The following GPC5 variants were observed in gnomAD, a reference collection of about 807,000 sequenced individuals.
GPC5 encodes glypican-5.
Under a neutral mutation model 53.9 loss-of-function variants are expected in GPC5, and 47 were observed. The observed-to-expected ratio is 0.87, with a 90% CI of 0.69 to 1.11. GPC5 has a LOEUF of 1.11. Ranked by LOEUF, GPC5 falls within the 50% of genes most tolerant of loss-of-function variation. The pLI is 0.00. For synonymous variants in GPC5, 286 were observed against 263.3 expected (o/e 1.09, Z -0.84); for missense variants, 748 against 713.1 (o/e 1.05, Z -0.56).
intron 7 of GPC5, among the ~76,000 whole-genome samples, chr13:92,798,134 A>G (rs1023211737): frequency 2.0e-5 from 3 of 151,890 alleles, no homozygotes; most frequent in African/African-American, 7.2e-5. Context: ...AGACACAGCA[A>G]TGCTAAGGAG....
At chr13:91,808,100 C>T (rs997227854) in intron 5 of GPC5, among the ~76,000 whole-genome samples, 1 of 151,888 alleles carries the variant, frequency 6.6e-6, no homozygotes, top group Non-Finnish European at 1.5e-5. Context: ...ATCTATCTTT[C>T]TAGGAAAAAA....
rs533590327 is a variant in GPC5, at chr13:91,635,248, A to T, written c.326-57939A>T. On this transcript the variant is annotated intron_variant, in intron 2 of 7. Coordinates refer to ENST00000377067, the MANE Select transcript of GPC5 (RefSeq NM_004466.6). ...TTGTATAGAAGCCTAATATAAACTC[A>T]TGTAAAAGTTTCCAGTAACAGAAAA... Among the ~76,000 whole-genome samples, 255 of 152,256 alleles carry T rather than the reference A, an allele frequency of 1.7e-3. 1 individual carries two copies. Among genetic ancestry groups the T allele is most frequent in the African/African-American group, 5.9e-3 (244 of 41,572 alleles).
chr13:92,577,420 G>A (rs1247024387), intron 7 of GPC5, among the ~76,000 whole-genome samples: 1 of 130,648 alleles, frequency 7.7e-6, no homozygotes, highest in African/African-American at 2.9e-5. Context: ...GTATGTATAT[G>A]TGTGTGTGTG....
At chr13:91,856,691 C>T (rs2038970539) in intron 5 of GPC5, among the ~76,000 whole-genome samples, 1 of 151,068 alleles carries the variant, frequency 6.6e-6, no homozygotes, top group South Asian at 2.1e-4. Context: ...AGCTCTTTTT[C>T]AGGTATATGT....
At chr13:91,638,636 G>T (rs1311555962) in intron 2 of GPC5, among the ~76,000 whole-genome samples, 1 of 152,130 alleles carries the variant, frequency 6.6e-6, no homozygotes, top group East Asian at 1.9e-4. Flanking sequence ...AAAGTGCTGG[G>T]ATTACAGGTG....
chr13:91,876,404 G>A (rs1449629873), intron 5 of GPC5, among the ~76,000 whole-genome samples: 1 of 152,156 alleles, frequency 6.6e-6, no homozygotes, highest in Non-Finnish European at 1.5e-5. Flanking sequence ...AATGCTGGTA[G>A]CAATACAGAC....
intron 7 of GPC5, among the ~76,000 whole-genome samples, chr13:92,329,387 C>A (rs568923231): frequency 6.6e-6 from 1 of 152,194 alleles, no homozygotes; most frequent in East Asian, 1.9e-4. Flanking sequence ...ACAACCAGAT[C>A]TCACATGATC....
At chr13:91,598,374 GT>G (rs2033067902) in intron 2 of GPC5, among the ~76,000 whole-genome samples, 1 of 151,770 alleles carries the variant, frequency 6.6e-6, no homozygotes, top group African/African-American at 2.4e-5. Context: ...AATATAACAT[GT>G]TTACAGATAT....
chr13:92,651,871 G>T (rs1840098285), intron 7 of GPC5, among the ~76,000 whole-genome samples: 1 of 151,998 alleles, frequency 6.6e-6, no homozygotes, highest in Non-Finnish European at 1.5e-5. Flanking sequence ...TTATGCAGCT[G>T]ATGCTATAAT....
intron 2 of GPC5, among the ~76,000 whole-genome samples, chr13:91,611,761 C>T (rs578228335): frequency 6.6e-6 from 1 of 152,164 alleles, no homozygotes; most frequent in Admixed American, 6.6e-5. Flanking sequence ...AGTCTTGATG[C>T]ATATTCCTTG....
chr13:92,057,485 G>A (rs1453707234), intron 6 of GPC5, among the ~76,000 whole-genome samples: 1 of 152,196 alleles, frequency 6.6e-6, no homozygotes, highest in East Asian at 1.9e-4. Context: ...CTCAGCAGTA[G>A]ATAAGCAAAT....
chr13:91,714,487 G>A (rs1214836526), intron 3 of GPC5, among the ~76,000 whole-genome samples: 2 of 152,108 alleles, frequency 1.3e-5, no homozygotes, highest in Non-Finnish European at 1.5e-5. Flanking sequence ...GAAACAAATC[G>A]AAGCACATAT....
intron 7 of GPC5, among the ~76,000 whole-genome samples, chr13:92,578,108 C>T (rs141606786): frequency 1.7e-4 from 26 of 152,218 alleles, no homozygotes; most frequent in Non-Finnish European, 3.1e-4. Context: ...CCAATTTCAC[C>T]CTAGCTCCTT....
rs985780900 is a variant in GPC5 at position 91,512,294 on chromosome 13, C to A, written c.325+63372C>A. On this transcript the variant is annotated intron_variant, in intron 2 of 7. Coordinates refer to ENST00000377067, the MANE Select transcript of GPC5 (RefSeq NM_004466.6). Reference sequence around the variant, plus strand: ...TTGGAAGTTCTTTTACTTCCTCTGTCCTTCCCGTAGCTTTCTGCACCTTTG... The same window carrying A: ...TTGGAAGTTCTTTTACTTCCTCTGTACTTCCCGTAGCTTTCTGCACCTTTG... Among the ~76,000 whole-genome samples the A allele has an allele frequency of 3.3e-5, 5 of 152,204 alleles. No individual in the cohort carries two copies. In the East Asian group the frequency reaches 5.8e-4, roughly 18 times the overall value.
Position 91,586,531 on chromosome 13 carries a change from TATATATATATATATATATATATA to T in GPC5, c.326-106655_326-106633del, listed in dbSNP as rs1241278147. Among the ~76,000 whole-genome samples, 14 of 41,384 alleles carry T rather than the reference TATATATATATATATATATATATA, an allele frequency of 3.4e-4. No individual in the cohort carries two copies. The African/African-American group carries it at 3.7e-3, about 11-fold the overall frequency. The allele number at this position is 41,384 out of a possible 152,430, so 27.1% of individuals were successfully genotyped here. ...ATATATATATATATATATATATATA[TATATATATATATATATATATATA>T]TATATATGTAGAGAGAGAGAGAGAG... On this transcript the variant is annotated intron_variant, in intron 2 of 7. Coordinates refer to ENST00000377067, the MANE Select transcript of GPC5 (RefSeq NM_004466.6).
chr13:92,164,937 A>G (rs2042016531), intron 7 of GPC5, among the ~76,000 whole-genome samples: 1 of 152,244 alleles, frequency 6.6e-6, no homozygotes, highest in Non-Finnish European at 1.5e-5. Flanking sequence ...CACCCTCTGA[A>G]GCAATGGCCT....
chr13:91,620,003 G>A (rs1341934385), intron 2 of GPC5, among the ~76,000 whole-genome samples: 1 of 152,098 alleles, frequency 6.6e-6, no homozygotes, highest in African/African-American at 2.4e-5. Context: ...GTGAGATAAA[G>A]CTAACATCTT....
chr13:92,543,940 G>A (rs1882016192), intron 7 of GPC5, among the ~76,000 whole-genome samples: 2 of 151,254 alleles, frequency 1.3e-5, no homozygotes, highest in Non-Finnish European at 2.9e-5. Context: ...ACATGCTAAT[G>A]TTATGTTATT....
At chr13:91,621,876 C>T (rs2033869450) in intron 2 of GPC5, among the ~76,000 whole-genome samples, 1 of 150,718 alleles carries the variant, frequency 6.6e-6, no homozygotes, top group African/African-American at 2.5e-5. Flanking sequence ...GCAAGGAAGC[C>T]AGTCCAAGTC....
Sources: gnomAD v4.1 joint callset for allele counts (sites outside exome capture counted in the v4.1 genomes callset) on GRCh38, gnomAD v4.1.1 for gene constraint, MANE v1.5 for transcripts, NCBI Gene and HGNC (gene_info 2026-07-23, HGNC 2026-07-21) for gene names.